CYFIP2: variants seen among roughly 807,000 people sequenced by gnomAD.
CYFIP2 encodes cytoplasmic FMR1-interacting protein 2.
A neutral mutation model predicts 158.7 loss-of-function variants in CYFIP2; 29 were observed. The ratio of observed to expected loss-of-function variants is 0.18; its 90% CI spans 0.14 to 0.25. The LOEUF is 0.25. Among genes scored for constraint, CYFIP2 ranks in the 10% least tolerant of loss-of-function variants. The pLI, the probability that CYFIP2 is intolerant of heterozygous loss-of-function variation, is 1.00. For missense variants in CYFIP2, 852 were observed against 1,639.5 expected, an observed-to-expected ratio of 0.52 and a Z score of 8.29; for synonymous variants, 585 against 617.6, an observed-to-expected ratio of 0.95 and a Z score of 0.78.
chr5:157,312,372 A>G (rs1302041465), intron 11 of CYFIP2, among the ~76,000 whole-genome samples: 3 of 143,428 alleles, frequency 2.1e-5, no homozygotes, highest in African/African-American at 6.0e-5. Context: ...AACCTCAGGA[A>G]AAAAACCCAA....
At chr5:157,310,766 G>A (rs1759647513) in intron 10 of CYFIP2, among the ~76,000 whole-genome samples, 1 of 152,194 alleles carries the variant, frequency 6.6e-6, no homozygotes. Context: ...GATATTGAAG[G>A]GAGGCCTGAG....
chr5:157,292,239 G>A (rs1376371631), intron 3 of CYFIP2, among the ~76,000 whole-genome samples: 1 of 146,148 alleles, frequency 6.8e-6, no homozygotes, highest in African/African-American at 2.5e-5. Context: ...TTTTTTTTGA[G>A]ATGGAGTTTT....
intron 26 of CYFIP2, chr5:157,376,508 TAAAG>T (rs1345011119): frequency 6.4e-6 from 1 of 155,824 alleles, no homozygotes; most frequent in Non-Finnish European, 1.4e-5. Flanking sequence ...TTTGGTGACC[TAAAG>T]AAAGGAATAA....
chr5:157,302,688 A>G lies in CYFIP2; in HGVS notation c.570-106A>G. ...GGATATTCAGAGCTCATTAACTTCC[A>G]GGATGATGTCACTCTGTGTTAGGTG... On this transcript the variant is annotated intron_variant, in intron 6 of 30. Coordinates refer to ENST00000620254, the MANE Select transcript of CYFIP2 (RefSeq NM_001037333.3). 3.9e-6 allele frequency: 3 copies of G among 773,732 alleles called. No individual in the cohort carries two copies. The South Asian group carries it at 5.8e-5, about 15-fold the overall frequency. The allele number at this position is 773,732 out of a possible 1,614,324, so 47.9% of individuals were successfully genotyped here.
chr5:157,285,260 G>T (rs1757283904), intron 1 of CYFIP2, 79 bp from the exon 2 acceptor site: 1 of 923,630 alleles, frequency 1.1e-6, no homozygotes, highest in Non-Finnish European at 1.7e-6. Context: ...TCTCCCAAAG[G>T]ATGCTGGTCA....
At chr5:157,288,829 G>A (rs1027082470) in intron 3 of CYFIP2, among the ~76,000 whole-genome samples, 2 of 152,136 alleles carry the variant, frequency 1.3e-5, no homozygotes, top group African/African-American at 4.8e-5. Flanking sequence ...AAAAATACAC[G>A]AAGTTAAGGG....
chr5:157,343,370 C>T (rs138754823), intron 23 of CYFIP2: 28 of 1,614,006 alleles, frequency 1.7e-5, no homozygotes, highest in Non-Finnish European at 2.1e-5. Context: ...GCTGATCGTT[C>T]GAGGCACCTT....
intron 15 of CYFIP2, chr5:157,322,992 G>A (rs1417481855): frequency 6.5e-7 from 1 of 1,535,924 alleles, no homozygotes; most frequent in African/African-American, 1.4e-5. Context: ...GTGGCACACA[G>A]GGCCGAAGAG....
At position 157,286,904 on chromosome 5, in the gene CYFIP2, G is replaced by A. The variant is rs145342158; in HGVS notation, c.118-115G>A. The A allele has an allele frequency of 1.1e-4, 79 of 691,860 alleles. No homozygotes were observed. In the African/African-American group the frequency reaches 1.2e-3, roughly 11 times the overall value. The allele number at this position is 691,860 out of a possible 1,614,324, so 42.9% of individuals were successfully genotyped here. A position where few individuals can be genotyped will look rare whatever the true frequency, so the allele number is the denominator to read the frequency against. On this transcript the variant is annotated intron_variant, in intron 2 of 30. Coordinates refer to ENST00000620254, the MANE Select transcript of CYFIP2 (RefSeq NM_001037333.3). ...GGCAAGATGAAAGGTGACGCAGCAGGAGGTTTCCACAGAGAGCTTGCGTTG... is the reference window on the plus strand; with the variant it reads ...GGCAAGATGAAAGGTGACGCAGCAGAAGGTTTCCACAGAGAGCTTGCGTTG...
intron 23 of CYFIP2, chr5:157,343,302 T>C: frequency 1.9e-6 from 3 of 1,614,160 alleles, no homozygotes; most frequent in Non-Finnish European, 2.5e-6. Context: ...GCAGCCTTCT[T>C]ACAGCTGATG....
chr5:157,361,597 T>G lies in CYFIP2; in HGVS notation c.3038T>G (p.Leu1013Arg). ...ILFCLLIEQA[L>R]SQEEVCDLLH... ...TTCTGCCTCCTCATAGAGCAAGCTCTGGTAAGTCCAGAGCCCAAAGGAAGT... is the reference window on the plus strand; with the variant it reads ...TTCTGCCTCCTCATAGAGCAAGCTCGGGTAAGTCCAGAGCCCAAAGGAAGT... Residue 1013 changes from leucine to arginine, a missense_variant and splice_region_variant, in exon 26 of 31, where the codon CTG becomes CGG. Physicochemically the swap from Leu to Arg is moderately radical, Grantham distance 102. Around this residue, in one of 8 missense-constraint regions of CYFIP2, gnomAD observed 223 missense variants for 381.6 expected, o/e 0.58. Transcript: ENST00000620254. The surrounding 1 kb of genome is among the most constrained non-coding windows in gnomAD (Gnocchi z 4.4). 1 of 1,613,868 alleles carries G rather than the reference T, an allele frequency of 6.2e-7. No homozygotes were observed. Among genetic ancestry groups the G allele is most frequent in the Non-Finnish European group, 8.5e-7 (1 of 1,179,854 alleles).
At chr5:157,384,482 C>T (rs1229107606) in intron 28 of CYFIP2, 1 of 456,808 alleles carries the variant, frequency 2.2e-6, no homozygotes. Flanking sequence ...CAAAAGGACT[C>T]AAATCCTCAG....
chr5:157,358,061 G>C (rs1413959617), intron 23 of CYFIP2, among the ~76,000 whole-genome samples: 1 of 152,154 alleles, frequency 6.6e-6, no homozygotes, highest in Non-Finnish European at 1.5e-5. Flanking sequence ...GATTTGTCGG[G>C]TGGATTAAAC....
Position 157,389,241 on chromosome 5 carries a change from G to A in CYFIP2, c.3260G>A (p.Cys1087Tyr). The change falls in exon 29 of 31, where the codon TGT becomes TAT. Residue 1087 changes from cysteine to tyrosine, a missense_variant. This residue lies in a region of CYFIP2 where 223 missense variants were observed against 381.6 expected (regional missense o/e 0.58). Transcript: ENST00000620254. Reference sequence around the variant, plus strand: ...CTCCTGACCAAGGAGCGGCTGTGCTGTGGCCTGTCCATGTTCGAGGTCATC... The same window carrying A: ...CTCCTGACCAAGGAGCGGCTGTGCTATGGCCTGTCCATGTTCGAGGTCATC... ...GDLLTKERLC[C>Y]GLSMFEVILT... 1 of 1,614,036 alleles carries A rather than the reference G, an allele frequency of 6.2e-7. No homozygotes were observed. The highest frequency in any genetic ancestry group is 8.5e-7 in the Non-Finnish European group (1 of 1,179,864).
Position 157,307,734 on chromosome 5 carries a change from C to T in CYFIP2, c.796-27C>T, listed in dbSNP as rs754352889. 39 of 1,467,496 alleles carry T rather than the reference C, an allele frequency of 2.7e-5. 1 individual carries two copies. In the South Asian group the frequency reaches 4.5e-4, roughly 17 times the overall value. 90.9% of individuals were successfully genotyped at this position (1,467,496 alleles called of 1,614,324 possible). Reference sequence around the variant, plus strand: ...CTTTTCCAGCAGATGTGATTAGTTTCTATGCTCTGCCCTCTTCTCATTCTA... The same window carrying T: ...CTTTTCCAGCAGATGTGATTAGTTTTTATGCTCTGCCCTCTTCTCATTCTA... On this transcript the variant is annotated intron_variant, in intron 8 of 30. Coordinates refer to ENST00000620254, the MANE Select transcript of CYFIP2 (RefSeq NM_001037333.3).
chr5:157,290,997 T>A (rs1420970623), intron 3 of CYFIP2, among the ~76,000 whole-genome samples: 1 of 152,152 alleles, frequency 6.6e-6, no homozygotes, highest in African/African-American at 2.4e-5. Flanking sequence ...TACATAAAAT[T>A]TGAGCTACAC....
chr5:157,357,588 G>A (rs972439969), intron 23 of CYFIP2, among the ~76,000 whole-genome samples: 9 of 152,146 alleles, frequency 5.9e-5, no homozygotes, highest in Admixed American at 2.0e-4. Context: ...TAGCACTTCG[G>A]GAGGCTGAGG....
chr5:157,358,492 C>G (rs1763574242), intron 23 of CYFIP2, among the ~76,000 whole-genome samples: 1 of 152,202 alleles, frequency 6.6e-6, no homozygotes, highest in African/African-American at 2.4e-5. Context: ...CCCATGCACT[C>G]AGCAGAGATC....
In CYFIP2 at chr5:157,325,690, C is replaced by T; in HGVS notation, c.1982+52C>T. 6 of 1,518,828 alleles carry T rather than the reference C, an allele frequency of 4.0e-6. No homozygotes were observed. The East Asian group carries it at 1.2e-4, about 30-fold the overall frequency. The allele number at this position is 1,518,828 out of a possible 1,614,324, so 94.1% of individuals were successfully genotyped here. On this transcript the variant is annotated intron_variant, in intron 17 of 30. Coordinates refer to ENST00000620254, the MANE Select transcript of CYFIP2 (RefSeq NM_001037333.3). ...TGGCTCCTGGGGTACAAGTAGAGGGCAGTTTGCCAGGGAGATCCGTTCTTT... is the reference window on the plus strand; with the variant it reads ...TGGCTCCTGGGGTACAAGTAGAGGGTAGTTTGCCAGGGAGATCCGTTCTTT...
Sources: allele counts gnomAD v4.1 joint callset (sites outside exome capture counted in the v4.1 genomes callset), GRCh38; gene constraint gnomAD v4.1.1; regional missense constraint gnomAD v4.1.1; non-coding constraint Gnocchi (gnomAD v3.1); transcripts MANE v1.5; gene names NCBI Gene and HGNC (gene_info 2026-07-23, HGNC 2026-07-21).